Variants in MSRA observed in about 807,000 individuals in gnomAD.
The protein encoded by MSRA is methionine sulfoxide reductase A.
MSRA carries 54 observed loss-of-function variants against 31.3 expected under a neutral mutation model. That is an observed-to-expected ratio of 1.73 (90% CI 1.39 to 2.17). The LOEUF (loss-of-function observed/expected upper bound fraction) is 2.17. Ranked by LOEUF, MSRA falls within the 30% of genes most tolerant of loss-of-function variation. The pLI is 0.00. For missense variants in MSRA, 507 were observed against 300.9 expected (o/e 1.69, Z -5.07); for synonymous variants, 169 against 116.5 (o/e 1.45, Z -2.90).
chr8:10,115,231 A>G (rs1425736910), intron 1 of MSRA, among the ~76,000 whole-genome samples: 2 of 152,260 alleles, frequency 1.3e-5, no homozygotes. Flanking sequence ...GAAGTTAAAT[A>G]TTTGTGAAGA....
At chr8:10,300,114 T>C (rs1045423743) in intron 3 of MSRA, among the ~76,000 whole-genome samples, 1 of 135,588 alleles carries the variant, frequency 7.4e-6, no homozygotes, top group African/African-American at 3.1e-5. Context: ...ATGAATGCAG[T>C]GGAAGAAATT....
At chr8:10,197,913 A>G (rs1808136625) in intron 1 of MSRA, among the ~76,000 whole-genome samples, 1 of 152,152 alleles carries the variant, frequency 6.6e-6, no homozygotes, top group Non-Finnish European at 1.5e-5. Context: ...CTGGGAAGAA[A>G]AGGGCTCTGC....
chr8:10,057,400 G>T (rs1264206233), intron 1 of MSRA, among the ~76,000 whole-genome samples: 2 of 152,186 alleles, frequency 1.3e-5, no homozygotes, highest in Admixed American at 1.3e-4. Context: ...GTATTGTATT[G>T]TTCAAAATAG....
chr8:10,237,542 A>G (rs1306239822), intron 2 of MSRA, among the ~76,000 whole-genome samples: 1 of 152,258 alleles, frequency 6.6e-6, no homozygotes, highest in African/African-American at 2.4e-5. Context: ...GCTGATATTA[A>G]AGCTGAATAG....
intron 4 of MSRA, among the ~76,000 whole-genome samples, chr8:10,312,558 C>G (rs1002466897): frequency 2.6e-5 from 4 of 152,156 alleles, no homozygotes; most frequent in Non-Finnish European, 5.9e-5. Context: ...ATCTTATGAT[C>G]CTTGCATAGT....
intron 5 of MSRA, among the ~76,000 whole-genome samples, chr8:10,386,009 C>G (rs1178435038): frequency 1.3e-5 from 2 of 152,144 alleles, no homozygotes; most frequent in African/African-American, 4.8e-5. Context: ...TTCATTCAGA[C>G]CCTGTCTGTG....
chr8:10,081,366 T>C (rs983851714), intron 1 of MSRA, among the ~76,000 whole-genome samples: 1 of 152,204 alleles, frequency 6.6e-6, no homozygotes, highest in East Asian at 1.9e-4. Context: ...CGTGAAGCTA[T>C]CCTTAATATT....
rs148313500 is a variant in MSRA, at chr8:10,116,929, G to T, written c.142+62271G>T. On this transcript the variant is annotated intron_variant, in intron 1 of 5. Coordinates refer to ENST00000317173, the MANE Select transcript of MSRA (RefSeq NM_012331.5). ...TGCGGTGAGCCAAGATTGCGCCATTGCACTCTAGCCTGGGCAACAAGAGCG... is the reference window on the plus strand; with the variant it reads ...TGCGGTGAGCCAAGATTGCGCCATTTCACTCTAGCCTGGGCAACAAGAGCG... 2.0e-3 allele frequency among the ~76,000 whole-genome samples: 305 copies of T among 152,284 alleles called. 1 individual carries two copies. The highest frequency in any genetic ancestry group is 7.1e-3 in the African/African-American group (294 of 41,556).
intron 5 of MSRA, among the ~76,000 whole-genome samples, chr8:10,379,588 C>T (rs1331325624): frequency 6.6e-6 from 1 of 152,234 alleles, no homozygotes; most frequent in Non-Finnish European, 1.5e-5. Context: ...CCCTCTTCCC[C>T]TCTGGCACCC....
At chr8:10,398,434 C>T (rs930378840) in intron 5 of MSRA, among the ~76,000 whole-genome samples, 1 of 152,218 alleles carries the variant, frequency 6.6e-6, no homozygotes, top group Non-Finnish European at 1.5e-5. Flanking sequence ...TGTTCTGCAG[C>T]CTTCGTTGTG....
chr8:10,100,474 A>G (rs1013747732), intron 1 of MSRA, among the ~76,000 whole-genome samples: 3 of 152,074 alleles, frequency 2.0e-5, no homozygotes, highest in Non-Finnish European at 4.4e-5. Flanking sequence ...GAGAAGGTCA[A>G]AGGTCTGTGG....
At position 10,111,137 on chromosome 8, in the gene MSRA, C is replaced by T. The variant is rs138653192; in HGVS notation, c.142+56479C>T. Among the ~76,000 whole-genome samples the T allele has an allele frequency of 3.5e-3, 530 of 152,224 alleles. 2 individuals are homozygous for T. The highest frequency in any genetic ancestry group is 9.6e-3 in the African/African-American group (400 of 41,532). On this transcript the variant is annotated intron_variant, in intron 1 of 5. Coordinates refer to ENST00000317173, the MANE Select transcript of MSRA (RefSeq NM_012331.5). ...AAAGGGTTTCCGTGTTATCCAGGGA[C>T]GGGGTGGATCAACTTTGATCATTTG...
At chr8:10,060,889 C>A (rs1035711081) in intron 1 of MSRA, among the ~76,000 whole-genome samples, 2 of 152,128 alleles carry the variant, frequency 1.3e-5, no homozygotes, top group African/African-American at 4.8e-5. Context: ...ATGTAGAAGG[C>A]ATTATGTGTA....
intron 2 of MSRA, among the ~76,000 whole-genome samples, chr8:10,241,724 C>A (rs950814032): frequency 3.3e-5 from 5 of 150,822 alleles, no homozygotes; most frequent in African/African-American, 1.2e-4. Context: ...ACATTTTGTG[C>A]TTTCTAATCA....
intron 1 of MSRA, among the ~76,000 whole-genome samples, chr8:10,096,659 T>TC (rs1395693800): frequency 2.6e-5 from 4 of 152,238 alleles, no homozygotes; most frequent in African/African-American, 4.8e-5. Context: ...TTACCGATTT[T>TC]CTTTTTAATA....
At chr8:10,231,772 G>A (rs1333883793) in intron 2 of MSRA, among the ~76,000 whole-genome samples, 7 of 151,972 alleles carry the variant, frequency 4.6e-5, no homozygotes, top group Admixed American at 2.0e-4. Context: ...GCGTGGTGGC[G>A]GGCGCCTATA....
chr8:10,204,495 A>G (rs928899404), intron 1 of MSRA, among the ~76,000 whole-genome samples: 1 of 152,180 alleles, frequency 6.6e-6, no homozygotes, highest in African/African-American at 2.4e-5. Flanking sequence ...ACAAATACTT[A>G]TCATTGTATT....
At chr8:10,193,354 T>C (rs1258969531) in intron 1 of MSRA, among the ~76,000 whole-genome samples, 4 of 152,192 alleles carry the variant, frequency 2.6e-5, no homozygotes, top group Non-Finnish European at 5.9e-5. Flanking sequence ...GTGGGTTCAG[T>C]GTGAGGCCGC....
chr8:10,126,039 C>CT (rs1563125432), intron 1 of MSRA, among the ~76,000 whole-genome samples: 1 of 152,228 alleles, frequency 6.6e-6, no homozygotes, highest in Admixed American at 6.5e-5. Context: ...ACTTCTCCAT[C>CT]TTTAGAAGGA....
Sources: allele counts gnomAD v4.1 joint callset (sites outside exome capture counted in the v4.1 genomes callset), GRCh38; gene constraint gnomAD v4.1.1; transcripts MANE v1.5; gene names NCBI Gene and HGNC (gene_info 2026-07-23, HGNC 2026-07-21).